Variants in PTK2 observed in about 807,000 individuals in gnomAD.
PTK2 encodes the protein protein tyrosine kinase 2, also known as focal adhesion kinase 1.
PTK2 carries 45 observed loss-of-function variants against 150.1 expected under a neutral mutation model. The ratio of observed to expected loss-of-function variants is 0.30; its 90% CI spans 0.24 to 0.38. The LOEUF is 0.38. Ranked by LOEUF, PTK2 falls within the 10% of genes least tolerant of loss-of-function variation. PTK2 has a pLI of 1.00. For synonymous variants in PTK2, 432 were observed against 449.2 expected (o/e 0.96, Z 0.48); for missense variants, 919 against 1,307.3 (o/e 0.70, Z 4.58).
chr8:140,797,678 T>C (rs2154592247), intron 12 of PTK2, among the ~76,000 whole-genome samples: 1 of 152,304 alleles, frequency 6.6e-6, no homozygotes, highest in East Asian at 1.9e-4. Context: ...GATTGTATAC[T>C]TTCTTTCAGG....
intron 1 of PTK2, among the ~76,000 whole-genome samples, chr8:141,000,087 TCACACACACACACACACA>T (rs71310820): frequency 2.5e-5 from 2 of 81,608 alleles, no homozygotes; most frequent in Non-Finnish European, 4.3e-5. Flanking sequence ...TGAAACCAAT[TCACACACACACACACACA>T]CACACACACA....
chr8:140,796,152 T>G (rs1027417160), intron 12 of PTK2, among the ~76,000 whole-genome samples: 4 of 152,176 alleles, frequency 2.6e-5, no homozygotes, highest in Non-Finnish European at 4.4e-5. Flanking sequence ...AAGAAAGAAA[T>G]AAATCAACCT....
chr8:140,767,855 A>G (rs2100073239), intron 14 of PTK2, among the ~76,000 whole-genome samples: 1 of 152,130 alleles, frequency 6.6e-6, no homozygotes, highest in Non-Finnish European at 1.5e-5. Context: ...TATTACACTG[A>G]TATGATAGGT....
intron 22 of PTK2, among the ~76,000 whole-genome samples, chr8:140,719,904 A>G (rs1229428225): frequency 8.7e-6 from 1 of 114,698 alleles, no homozygotes; most frequent in Admixed American, 8.5e-5. Flanking sequence ...AAAAAAAAAA[A>G]AAAAAAAAAA....
At chr8:140,782,979 C>T (rs533073145) in intron 14 of PTK2, among the ~76,000 whole-genome samples, 120 of 152,306 alleles carry the variant, frequency 7.9e-4, no homozygotes, top group African/African-American at 2.1e-3. Context: ...TGGCTCACAC[C>T]TGTAATCCCA....
At chr8:140,904,019 CA>C (rs2100159859) in intron 2 of PTK2, among the ~76,000 whole-genome samples, 1 of 152,116 alleles carries the variant, frequency 6.6e-6, no homozygotes, top group East Asian at 1.9e-4. Context: ...CTGCCCTGGC[CA>C]GAACTTCCAA....
chr8:140,755,402 C>G (rs1394135764), intron 16 of PTK2, among the ~76,000 whole-genome samples: 1 of 152,174 alleles, frequency 6.6e-6, no homozygotes, highest in Non-Finnish European at 1.5e-5. Context: ...CTTTTGCCTT[C>G]CCTTTGTTTC....
In PTK2 at chr8:140,761,949, T is replaced by C. The variant is rs576863464; in HGVS notation, c.1235-687A>G. ...TTATTGTAATATACAAAATCGATTATTCAGTAGGTTTTTGAGGCACATGGA... is the reference window on the plus strand; with the variant it reads ...TTATTGTAATATACAAAATCGATTACTCAGTAGGTTTTTGAGGCACATGGA... On this transcript the variant is annotated intron_variant, in intron 15 of 31. Coordinates refer to ENST00000522684, the Ensembl canonical transcript of PTK2. 6.6e-4 allele frequency among the ~76,000 whole-genome samples: 101 copies of C among 152,250 alleles called. 2 individuals carry two copies. Among genetic ancestry groups the C allele is most frequent in the South Asian group, 3.5e-3 (17 of 4,820 alleles).
chr8:140,845,013 C>G (rs1013229695), intron 7 of PTK2, among the ~76,000 whole-genome samples: 1 of 152,086 alleles, frequency 6.6e-6, no homozygotes, highest in African/African-American at 2.4e-5. Flanking sequence ...ATGTAATCAG[C>G]CTCCAGTCAG....
intron 31 of PTK2, chr8:140,662,520 A>C (rs1411298118): frequency 5.0e-6 from 2 of 399,620 alleles, no homozygotes; most frequent in Admixed American, 8.8e-5. Context: ...GGAAAGCCAG[A>C]GGCCCGGTGA....
rs576947620 is a variant in PTK2 at position 140,975,965 on chromosome 8, T to A, written c.-122+25160A>T. 4.6e-3 allele frequency among the ~76,000 whole-genome samples: 697 copies of A among 152,332 alleles called. 5 individuals carry two copies. The highest frequency in any genetic ancestry group is 6.8e-3 in the Middle Eastern group (2 of 294). On this transcript the variant is annotated intron_variant, in intron 1 of 31. Coordinates refer to ENST00000522684, the Ensembl canonical transcript of PTK2. Reference sequence around the variant, plus strand: ...GAAATCACATTAAATGGAAAGGACCTGTGCCTTTAGTAGTAAAACACTACT... The same window carrying A: ...GAAATCACATTAAATGGAAAGGACCAGTGCCTTTAGTAGTAAAACACTACT...
At chr8:140,728,258 T>C (rs1034055763) in intron 22 of PTK2, among the ~76,000 whole-genome samples, 2 of 151,436 alleles carry the variant, frequency 1.3e-5, no homozygotes, top group Admixed American at 1.3e-4. Context: ...GGATATTAAG[T>C]GGTGGGGCCA....
chr8:140,860,340 G>C (rs1015869130), intron 5 of PTK2, among the ~76,000 whole-genome samples: 3 of 152,132 alleles, frequency 2.0e-5, no homozygotes, highest in Non-Finnish European at 4.4e-5. Context: ...TCCAATCATA[G>C]GGAACTGCCA....
intron 16 of PTK2, among the ~76,000 whole-genome samples, chr8:140,755,697 C>T (rs920308871): frequency 2.6e-5 from 4 of 152,042 alleles, no homozygotes; most frequent in African/African-American, 7.3e-5. Context: ...TCAACTTGTG[C>T]CTTGGGTAGA....
At chr8:141,001,190 G>A (rs947043445) in exon 1 of PTK2, 4 of 150,554 alleles carry the variant, frequency 2.7e-5, no homozygotes, top group African/African-American at 7.3e-5. Context: ...GGCGACAGCA[G>A]CCGCGCTTCC....
chr8:140,891,900 T>C (rs529139845), intron 2 of PTK2, among the ~76,000 whole-genome samples: 106 of 152,284 alleles, frequency 7.0e-4, no homozygotes, highest in African/African-American at 2.4e-3. Context: ...TGGAGTACAA[T>C]TCCTGCTCAG....
chr8:140,710,936 C>T (rs928041359), intron 23 of PTK2, among the ~76,000 whole-genome samples: 9 of 152,088 alleles, frequency 5.9e-5, no homozygotes, highest in Non-Finnish European at 1.0e-4. Flanking sequence ...TCATATCCCG[C>T]GGGACTTCTT....
intron 5 of PTK2, among the ~76,000 whole-genome samples, chr8:140,849,549 C>G (rs1287847451): frequency 6.6e-6 from 1 of 152,200 alleles, no homozygotes; most frequent in East Asian, 1.9e-4. Flanking sequence ...CCATGTCAAG[C>G]AGATTTACAT....
chr8:140,802,788 C>T (rs2100095877), intron 11 of PTK2, among the ~76,000 whole-genome samples: 1 of 152,066 alleles, frequency 6.6e-6, no homozygotes, highest in South Asian at 2.1e-4. Context: ...TAGTAGCATG[C>T]TACACAGGTT....
Sources: gnomAD v4.1 joint callset for allele counts (sites outside exome capture counted in the v4.1 genomes callset) on GRCh38, gnomAD v4.1.1 for gene constraint, MANE v1.5 for transcripts, NCBI Gene and HGNC (gene_info 2026-07-23, HGNC 2026-07-21) for gene names.